Variants in PATL1 observed in about 807,000 individuals in gnomAD.
PATL1 encodes the protein protein PAT1 homolog 1.
In PATL1, 32 loss-of-function variants were observed where a neutral mutation model predicts 100.6. That is an observed-to-expected ratio of 0.32 (90% CI 0.24 to 0.43). The LOEUF (loss-of-function observed/expected upper bound fraction) is 0.43, where lower values mean the gene tolerates loss of function less well. Among genes scored for constraint, PATL1 ranks in the 20% least tolerant of loss-of-function variants. PATL1 has a pLI of 1.00. For missense variants in PATL1, 747 were observed against 949.9 expected (o/e 0.79, Z 2.81); for synonymous variants, 332 against 330.0 (o/e 1.01, Z -0.07).
chr11:59,643,224 T>C (rs1861312493), intron 15 of PATL1, among the ~76,000 whole-genome samples, 189 bp from the exon 16 acceptor site: 1 of 151,934 alleles, frequency 6.6e-6, no homozygotes, highest in Admixed American at 6.6e-5. Flanking sequence ...TCAATTTGCA[T>C]TGGAAACACC....
chr11:59,647,895 A>C lies in PATL1; in HGVS notation c.1752T>G (p.Phe584Leu). 6.2e-7 allele frequency: 1 copy of C among 1,610,128 alleles called. No homozygotes were observed. Among genetic ancestry groups the C allele is most frequent in the African/African-American group, 1.3e-5 (1 of 74,960 alleles). The change falls in exon 15 of 19, where the codon TTT becomes TTG. Residue 584 changes from phenylalanine (F) to leucine (L), a missense_variant. By Grantham distance (22) the Phe-to-Leu change is conservative. Transcript: ENST00000300146. ...CTTTTCGGATACACATGATCTGTACAAAGTGGTCATCACTAGGCCTGCAAG... is the reference window on the plus strand; with the variant it reads ...CTTTTCGGATACACATGATCTGTACCAAGTGGTCATCACTAGGCCTGCAAG... ...PGQERPSDDH[F>L]VQIMCIRKGK... is the part of the protein sequence containing the mutation.
intron 2 of PATL1, among the ~76,000 whole-genome samples, chr11:59,661,977 CAT>C (rs1428280974): frequency 6.6e-6 from 1 of 152,190 alleles, no homozygotes. Context: ...TAACATCATA[CAT>C]ATCTTAGCAT....
chr11:59,657,179 G>C, intron 5 of PATL1: 2 of 951,670 alleles, frequency 2.1e-6, no homozygotes, highest in Non-Finnish European at 2.5e-6. Context: ...ATATCTTAAA[G>C]GTAAAAAGGG....
chr11:59,639,074 T>C lies in PATL1; in HGVS notation c.2265A>G (p.Lys755=). The stretch of plus-strand genomic sequence containing the variant: ...GCAGTTTTGTCTCCAGCAAGTTCAG[T>C]TTCTGCCGGTCAACATAGCGAGAAA... ...SLFSRYVDRQ[K]LNLLETKLQL... is the part of the protein sequence containing the mutation. Residue 755 remains lysine, a synonymous_variant, in exon 18 of 19, where the codon AAA becomes AAG. Transcript: ENST00000300146. 3 of 1,613,816 alleles carry C rather than the reference T, an allele frequency of 1.9e-6. No homozygotes were observed. Among genetic ancestry groups the C allele is most frequent in the Non-Finnish European group, 1.7e-6 (2 of 1,179,846 alleles).
At position 59,649,550 on chromosome 11, in the gene PATL1, C is replaced by A; in HGVS notation, c.1645G>T (p.Glu549Ter). ...TCATCCATTAGGGCAGGTCGCTCTTCTTCCAGACTTAGGAGATAACGTCTT... is the reference window on the plus strand; with the variant it reads ...TCATCCATTAGGGCAGGTCGCTCTTATTCCAGACTTAGGAGATAACGTCTT... ...YERRYLLSLE[E>*]ERPALMDDRK... Residue 549 changes from glutamate to a stop codon, truncating the protein, a stop_gained, in exon 14 of 19, where the codon GAA becomes TAA. Transcript: ENST00000300146. LOFTEE classifies it high-confidence loss of function. 6.2e-7 allele frequency: 1 copy of A among 1,613,774 alleles called. No individual in the cohort carries two copies. The highest frequency in any genetic ancestry group is 8.5e-7 in the Non-Finnish European group (1 of 1,179,782).
At chr11:59,660,080 G>A (rs1861606954) in intron 2 of PATL1, among the ~76,000 whole-genome samples, 1 of 152,174 alleles carries the variant, frequency 6.6e-6, no homozygotes, top group African/African-American at 2.4e-5. Context: ...TGATAGATAT[G>A]TATAGTACTA....
At chr11:59,645,385 C>T (rs1031162052) in intron 15 of PATL1, among the ~76,000 whole-genome samples, 3 of 125,068 alleles carry the variant, frequency 2.4e-5, no homozygotes, top group Admixed American at 8.3e-5. Flanking sequence ...CACTTCCCCC[C>T]CCATCCACTT....
chr11:59,659,507 A>G, intron 2 of PATL1, 38 bp from the exon 3 acceptor site: 2 of 1,505,408 alleles, frequency 1.3e-6, no homozygotes, highest in South Asian at 2.5e-5. Context: ...AATAGTTCAT[A>G]GTGGTACAAA....
At chr11:59,650,215 GA>G (rs1276552086) in intron 13 of PATL1, among the ~76,000 whole-genome samples, 1 of 150,004 alleles carries the variant, frequency 6.7e-6, no homozygotes, top group Non-Finnish European at 1.5e-5. Context: ...GGACAGCATA[GA>G]AAGGTTAAAT....
At chr11:59,650,286 A>AT (rs1178830087) in intron 13 of PATL1, among the ~76,000 whole-genome samples, 6 of 152,240 alleles carry the variant, frequency 3.9e-5, no homozygotes, top group Non-Finnish European at 7.3e-5. Context: ...GCTTGGTTCT[A>AT]GAGTCCATAC....
rs777279970 is a variant in PATL1 at position 59,658,966 on chromosome 11, TAC to T, written c.346-22_346-21del. 6.5e-7 allele frequency: 1 copy of T among 1,537,174 alleles called. No homozygotes were observed. The highest frequency in any genetic ancestry group is 1.2e-5 in the South Asian group (1 of 82,142). ...TTGGGGCTAACAAAAAAGGAAAACA[TAC>T]AGAGTCTGAAATGTTGTATACTCTC... On this transcript the variant is annotated intron_variant, in intron 3 of 18. Transcript: ENST00000300146.
intron 15 of PATL1, among the ~76,000 whole-genome samples, chr11:59,643,507 A>G (rs1861316257): frequency 6.6e-6 from 1 of 151,790 alleles, no homozygotes; most frequent in African/African-American, 2.4e-5. Flanking sequence ...CCAGGAGTTC[A>G]AGACTAGTCT....
chr11:59,667,030 A>G, intron 1 of PATL1, 66 bp from the exon 2 acceptor site: 1 of 1,503,724 alleles, frequency 6.7e-7, no homozygotes, highest in South Asian at 1.3e-5. Flanking sequence ...AATGTTCTAA[A>G]AATGTTCATC....
chr11:59,638,362 G>A lies in PATL1; in HGVS notation c.*28C>T. The A allele has an allele frequency of 6.2e-7, 1 of 1,609,104 alleles. No individual in the cohort carries two copies. ...GCAGCAGTGCAGGTGGCAGCCAAAA[G>A]GAGGTACAGGACACATTTGGAGATC... On this transcript the variant is annotated 3_prime_UTR_variant, in exon 19 of 19. Transcript: ENST00000300146.
At chr11:59,643,527 A>AG (rs1861316524) in intron 15 of PATL1, among the ~76,000 whole-genome samples, 2 of 151,832 alleles carry the variant, frequency 1.3e-5, no homozygotes, top group African/African-American at 4.8e-5. Flanking sequence ...TGGACAACGT[A>AG]GTGAGACCTC....
At chr11:59,668,840 C>CGGGA (rs748392848) in intron 1 of PATL1, 41 bp downstream of exon 1, 7 of 814,938 alleles carry the variant, frequency 8.6e-6, no homozygotes, top group African/African-American at 1.9e-5. Flanking sequence ...GAGAGGGGCG[C>CGGGA]GGGAGGGAGG....
At chr11:59,667,063 T>C (rs1347407654) in intron 1 of PATL1, 99 bp from the exon 2 acceptor site, 3 of 1,446,980 alleles carry the variant, frequency 2.1e-6, no homozygotes, top group Admixed American at 2.8e-5. Context: ...TGAACATAAT[T>C]GCTTCATTAT....
Position 59,655,908 on chromosome 11 carries a change from T to C in PATL1, c.813+48A>G, listed in dbSNP as rs1452891321. ...AAAGGGGCTATTATCTAATGAACTT[T>C]AGGAAAGTAGGAGAGTTCTTTATGG... On this transcript the variant is annotated intron_variant, in intron 7 of 18. Coordinates refer to ENST00000300146, the MANE Select transcript of PATL1 (RefSeq NM_152716.3). 6 of 1,455,884 alleles carry C rather than the reference T, an allele frequency of 4.1e-6. No homozygotes were observed. The East Asian group carries it at 1.2e-4, about 29-fold the overall frequency. 90.2% of individuals were successfully genotyped at this position (1,455,884 alleles called of 1,614,324 possible).
At chr11:59,642,323 T>G (rs755624996) in intron 16 of PATL1, among the ~76,000 whole-genome samples, 1 of 152,250 alleles carries the variant, frequency 6.6e-6, no homozygotes, top group African/African-American at 2.4e-5. Flanking sequence ...CTAATATGCC[T>G]TCCTACCCAT....
Sources: gnomAD v4.1 joint callset for allele counts (sites outside exome capture counted in the v4.1 genomes callset) on GRCh38, gnomAD v4.1.1 for gene constraint, MANE v1.5 for transcripts, NCBI Gene and HGNC (gene_info 2026-07-23, HGNC 2026-07-21) for gene names.